Variants in TSGA10 observed in about 807,000 individuals in gnomAD.
TSGA10 encodes testis specific 10.
In TSGA10, 43 loss-of-function variants were observed where a neutral mutation model predicts 96.6. The ratio of observed to expected loss-of-function variants is 0.44; its 90% confidence interval spans 0.35 to 0.57. The LOEUF (loss-of-function observed/expected upper bound fraction) is 0.57. TSGA10 is among the 20% of genes least tolerant of loss of function. The probability of loss-of-function intolerance (pLI) is 0.01; values close to 1 mark genes in which losing one functional copy is unlikely to be tolerated. For synonymous variants in TSGA10, 229 were observed against 269.9 expected (o/e 0.85, Z 1.48); for missense variants, 703 against 834.4 (o/e 0.84, Z 1.94).
intron 1 of TSGA10, among the ~76,000 whole-genome samples, chr2:99,152,926 A>G (rs550168275): frequency 6.6e-6 from 1 of 152,348 alleles, no homozygotes; most frequent in Non-Finnish European, 1.5e-5. Context: ...TAAAAAATAT[A>G]AATTTTGAAG....
chr2:99,008,722 T>G (rs905437011), intron 20 of TSGA10, among the ~76,000 whole-genome samples: 28 of 152,196 alleles, frequency 1.8e-4, no homozygotes, highest in African/African-American at 6.8e-4. Context: ...TGTACAAGAT[T>G]ATTCATTACA....
At chr2:99,129,438 T>TA (rs1281850480) in intron 1 of TSGA10, among the ~76,000 whole-genome samples, 2 of 152,180 alleles carry the variant, frequency 1.3e-5, no homozygotes, top group East Asian at 3.8e-4. Context: ...GTAAACCGAA[T>TA]AAAGTGGGGC....
At chr2:99,081,244 A>T in intron 11 of TSGA10, 38 bp downstream of exon 11, 1 of 1,227,648 alleles carries the variant, frequency 8.1e-7, no homozygotes, top group Non-Finnish European at 1.1e-6. Flanking sequence ...ACCAAACTTA[A>T]GAAAAACTAA....
intron 20 of TSGA10, among the ~76,000 whole-genome samples, chr2:99,001,350 T>C (rs867824981): frequency 1.2e-4 from 19 of 152,222 alleles, no homozygotes; most frequent in African/African-American, 4.6e-4. Flanking sequence ...GGATCTGGAG[T>C]GGACCTCCAG....
At chr2:99,076,860 A>G (rs2086753898) in intron 12 of TSGA10, among the ~76,000 whole-genome samples, 1 of 152,000 alleles carries the variant, frequency 6.6e-6, no homozygotes, top group African/African-American at 2.4e-5. Context: ...CTAGTCATTC[A>G]GTGACTACTA....
At chr2:99,132,097 T>A (rs1425538923) in intron 1 of TSGA10, among the ~76,000 whole-genome samples, 1 of 152,172 alleles carries the variant, frequency 6.6e-6, no homozygotes, top group East Asian at 1.9e-4. Flanking sequence ...TGTTGTTGTT[T>A]CCCTGCCAGG....
In TSGA10 at chr2:99,118,700, A is replaced by C. The variant is rs906003385; in HGVS notation, c.-491-14T>G. On this transcript the variant is annotated splice_polypyrimidine_tract_variant and intron_variant, in intron 2 of 20. Transcript: ENST00000393483. ...GTATCCAAATGCCTTTAAAGGAAAA[A>C]AAAAATTAGACCCATTGAACAATGA... The C allele has an allele frequency of 1.9e-4, 187 of 983,362 alleles. No individual in the cohort carries two copies. The highest frequency in any genetic ancestry group is 2.2e-4 in the Non-Finnish European group (183 of 828,312). The allele number at this position is 983,362 out of a possible 1,614,324, so 60.9% of individuals were successfully genotyped here.
At chr2:99,114,087 T>G (rs982247627) in intron 4 of TSGA10, among the ~76,000 whole-genome samples, 2 of 152,200 alleles carry the variant, frequency 1.3e-5, no homozygotes, top group African/African-American at 4.8e-5. Flanking sequence ...TACTTCCCAG[T>G]GAATACATTT....
At position 99,118,695 on chromosome 2, in the gene TSGA10, GAA is replaced by G; in HGVS notation, c.-491-11_-491-10del. On this transcript the variant is annotated splice_polypyrimidine_tract_variant and intron_variant, in intron 2 of 20. Transcript: ENST00000393483. ...CAAAGGTATCCAAATGCCTTTAAAGGAAAAAAAAAATTAGACCCATTGAACAA... is the reference window on the plus strand; with the variant it reads ...CAAAGGTATCCAAATGCCTTTAAAGGAAAAAAAATTAGACCCATTGAACAA... 1 of 949,454 alleles carries G rather than the reference GAA, an allele frequency of 1.1e-6. No individual in the cohort carries two copies. Among genetic ancestry groups the G allele is most frequent in the Non-Finnish European group, 1.2e-6 (1 of 800,662 alleles). 58.8% of individuals were successfully genotyped at this position (949,454 alleles called of 1,614,324 possible). A position where few individuals can be genotyped will look rare whatever the true frequency, so the allele number is the denominator to read the frequency against.
At chr2:99,002,968 T>G (rs910501890) in intron 20 of TSGA10, among the ~76,000 whole-genome samples, 1 of 151,952 alleles carries the variant, frequency 6.6e-6, no homozygotes, top group African/African-American at 2.4e-5. Flanking sequence ...CAAGCAATTC[T>G]CTGCCTCAGC....
chr2:99,139,712 T>TA (rs1023820293), intron 1 of TSGA10, among the ~76,000 whole-genome samples: 23 of 151,952 alleles, frequency 1.5e-4, no homozygotes, highest in African/African-American at 4.1e-4. Context: ...AGATTAATCT[T>TA]AAAAAAAATG....
chr2:99,141,728 T>G (rs2093563617), intron 1 of TSGA10: 1 of 152,918 alleles, frequency 6.5e-6, no homozygotes, highest in Non-Finnish European at 1.5e-5. Context: ...CCGCCTTCCC[T>G]CAGCTTGAAA....
In TSGA10 at chr2:99,109,514, T is replaced by C; in HGVS notation, c.-73-2A>G. On this transcript the variant is annotated splice_acceptor_variant, in intron 5 of 20. Coordinates refer to ENST00000393483, the MANE Select transcript of TSGA10 (RefSeq NM_025244.4). LOFTEE classifies it low-confidence loss of function (5UTR_SPLICE). Reference sequence around the variant, plus strand: ...AAAGTCTTGACAAAGGAATCAAGTCTAGAAGGAGATTTATTTTGTGCTTTT... The same window carrying C: ...AAAGTCTTGACAAAGGAATCAAGTCCAGAAGGAGATTTATTTTGTGCTTTT... 1.3e-6 allele frequency: 2 copies of C among 1,561,832 alleles called. No homozygotes were observed. Among genetic ancestry groups the C allele is most frequent in the South Asian group, 1.2e-5 (1 of 81,284 alleles).
At chr2:99,097,087 AG>A (rs1213543472) in intron 10 of TSGA10, among the ~76,000 whole-genome samples, 1 of 152,172 alleles carries the variant, frequency 6.6e-6, no homozygotes, top group East Asian at 1.9e-4. Context: ...ACTGGAAAGG[AG>A]AATAAGGAAA....
intron 16 of TSGA10, among the ~76,000 whole-genome samples, chr2:99,038,002 T>C (rs1300585819): frequency 6.6e-6 from 1 of 152,044 alleles, no homozygotes; most frequent in African/African-American, 2.4e-5. Flanking sequence ...GGGTCCTATC[T>C]TTTACCTCCT....
At chr2:99,148,165 G>A (rs1043129316) in intron 1 of TSGA10, 1 of 152,140 alleles carries the variant, frequency 6.6e-6, no homozygotes, top group African/African-American at 2.4e-5. Flanking sequence ...TTTCATAGAA[G>A]ATACTTCTGT....
chr2:99,078,748 C>T lies in TSGA10; in HGVS notation c.793G>A (p.Asp265Asn). ...AGGCATTCCTTTTCTTTAGCCAGAT[C>T]ATTGAGGGTTCCACCAAGAATGCTG... Reference protein sequence around the residue: ...EISILGGTLNDLAKEKECLQA... With the variant: ...EISILGGTLNNLAKEKECLQA... The change falls in exon 12 of 21, where the codon GAT becomes AAT. Residue 265 changes from aspartate to asparagine, a missense_variant. Coordinates refer to ENST00000393483, the MANE Select transcript of TSGA10 (RefSeq NM_025244.4). 1 of 1,613,692 alleles carries T rather than the reference C, an allele frequency of 6.2e-7. No individual in the cohort carries two copies. The highest frequency in any genetic ancestry group is 8.5e-7 in the Non-Finnish European group (1 of 1,179,864).
At chr2:99,027,040 C>T in intron 17 of TSGA10, among the ~76,000 whole-genome samples, 1 of 152,168 alleles carries the variant, frequency 6.6e-6, no homozygotes, top group Non-Finnish European at 1.5e-5. Context: ...AGGGTGCACG[C>T]TTTTATGAGA....
At position 99,082,970 on chromosome 2, in the gene TSGA10, C is replaced by A. The variant is rs563396554; in HGVS notation, c.612-1573G>T. 2.8e-3 allele frequency among the ~76,000 whole-genome samples: 423 copies of A among 151,950 alleles called. 2 individuals carry two copies. The highest frequency in any genetic ancestry group is 9.6e-3 in the African/African-American group (397 of 41,470). On this transcript the variant is annotated intron_variant, in intron 10 of 20. Coordinates refer to ENST00000393483, the MANE Select transcript of TSGA10 (RefSeq NM_025244.4). ...GGACAAGTTAAAAATACAGAATAGACACTGTGAAAGAGATAACTGGTAAAC... is the reference window on the plus strand; with the variant it reads ...GGACAAGTTAAAAATACAGAATAGAAACTGTGAAAGAGATAACTGGTAAAC...
Sources: allele counts gnomAD v4.1 joint callset (sites outside exome capture counted in the v4.1 genomes callset), GRCh38; gene constraint gnomAD v4.1.1; transcripts MANE v1.5; gene names NCBI Gene and HGNC (gene_info 2026-07-23, HGNC 2026-07-21).